The following TERF1 variants were observed in gnomAD, a reference collection of about 807,000 sequenced individuals.
The protein encoded by TERF1 is telomeric repeat-binding factor 1.
In TERF1, 20 loss-of-function variants were observed where a neutral mutation model predicts 55.1. The ratio of observed to expected loss-of-function variants is 0.36; its 90% CI spans 0.26 to 0.53. The LOEUF (loss-of-function observed/expected upper bound fraction) is 0.53, where lower values mean the gene tolerates loss of function less well. Among genes scored for constraint, TERF1 ranks in the 20% least tolerant of loss-of-function variants. The probability of loss-of-function intolerance (pLI) is 0.91; values close to 1 mark genes in which losing one functional copy is unlikely to be tolerated. For missense variants in TERF1, 439 were observed against 535.7 expected (o/e 0.82, Z 1.78); for synonymous variants, 168 against 181.2 (o/e 0.93, Z 0.59).
chr8:73,025,584 C>G (rs1034977654), intron 5 of TERF1, among the ~76,000 whole-genome samples: 2 of 151,806 alleles, frequency 1.3e-5, no homozygotes, highest in African/African-American at 4.8e-5. Flanking sequence ...GAAACCCCGT[C>G]TCTCCTAAGA....
intron 8 of TERF1, 21 bp from the exon 9 acceptor site, chr8:73,039,095 A>T: frequency 7.1e-7 from 1 of 1,417,848 alleles, no homozygotes; most frequent in Non-Finnish European, 9.7e-7. Context: ...AATATTTATG[A>T]CATTATTTTT....
In TERF1 at chr8:73,009,193, A is replaced by G. The variant is rs756380562; in HGVS notation, c.307A>G (p.Asn103Asp). 3.1e-6 allele frequency: 5 copies of G among 1,610,232 alleles called. No homozygotes were observed. In the African/African-American group the frequency reaches 6.7e-5, roughly 22 times the overall value. Reference protein sequence around the residue: ...GRSEDFRRTRNSAEAIIHGLS... With the variant: ...GRSEDFRRTRDSAEAIIHGLS... ...CTCCGAGGACTTCCGCAGGACCCGC[A>G]ACAGCGCAGAGGGTGAGTGCAGACC... Residue 103 changes from asparagine (N) to aspartate (D), a missense_variant, in exon 1 of 10, where the codon AAC (asparagine) becomes GAC (aspartate). Transcript: ENST00000276603.
intron 9 of TERF1, among the ~76,000 whole-genome samples, chr8:73,041,697 T>C (rs1809838168): frequency 6.6e-6 from 1 of 152,170 alleles, no homozygotes; most frequent in Non-Finnish European, 1.5e-5. Context: ...GGAGTATTTC[T>C]AATTGGGGAG....
chr8:73,026,899 C>G (rs373068808), intron 5 of TERF1, 41 bp from the exon 6 acceptor site: 5 of 1,437,072 alleles, frequency 3.5e-6, no homozygotes, highest in African/African-American at 2.8e-5. Flanking sequence ...TGGCTTAATG[C>G]ATTTCTTCCT....
At position 73,022,287 on chromosome 8, in the gene TERF1, T is replaced by C; in HGVS notation, c.609T>C (p.Asp203=). The change falls in exon 4 of 10, where the codon GAT becomes GAC. Residue 203 remains aspartate (D), a synonymous_variant. Transcript: ENST00000276603. Reference sequence around the variant, plus strand: ...AAGTCTTTGAAAGAATATTTGGTGATCCAAATTCTCATATGGTAATTATTT... The same window carrying C: ...AAGTCTTTGAAAGAATATTTGGTGACCCAAATTCTCATATGGTAATTATTT... ...AEEVFERIFG[D]PNSHMPFKSK... 2 of 1,577,278 alleles carry C rather than the reference T, an allele frequency of 1.3e-6. No homozygotes were observed. The highest frequency in any genetic ancestry group is 8.6e-7 in the Non-Finnish European group (1 of 1,161,778).
At chr8:73,013,761 C>A in intron 1 of TERF1, 134 bp from the exon 2 acceptor site, 1 of 570,564 alleles carries the variant, frequency 1.8e-6, no homozygotes, top group Non-Finnish European at 3.1e-6. Flanking sequence ...GAATTTTAAT[C>A]AGATCTTAAA....
At position 73,017,235 on chromosome 8, in the gene TERF1, GCT is replaced by G. The variant is rs1270992752; in HGVS notation, c.415+3248_415+3249del. Among the ~76,000 whole-genome samples, 6 of 152,108 alleles carry G rather than the reference GCT, an allele frequency of 3.9e-5. No homozygotes were observed. The South Asian group carries it at 1.0e-3, about 26-fold the overall frequency. On this transcript the variant is annotated intron_variant, in intron 2 of 9. Coordinates refer to ENST00000276603, the MANE Select transcript of TERF1 (RefSeq NM_017489.3). ...TATTTGAAAATGTGTGTTGAAATTA[GCT>G]CTTGAAAGAAAGCAAGCAGATGAAA...
chr8:73,028,571 ATTTTT>A lies in TERF1; in HGVS notation c.887+1539_887+1543del, dbSNP rs59423351. On this transcript the variant is annotated intron_variant, in intron 6 of 9. Transcript: ENST00000276603. Reference sequence around the variant, plus strand: ...GGCTTATAAAGCCTTACGTAGACCCATTTTTTTTTTTTTTTTTTTTTTTTACATAC... The same window carrying A: ...GGCTTATAAAGCCTTACGTAGACCCATTTTTTTTTTTTTTTTTTTACATAC... 3.4e-3 allele frequency among the ~76,000 whole-genome samples: 360 copies of A among 104,404 alleles called. 1 individual carries two copies. Among genetic ancestry groups the A allele is most frequent in the African/African-American group, 0.013 (344 of 26,420 alleles). 68.5% of individuals were successfully genotyped at this position (104,404 alleles called of 152,430 possible).
At chr8:73,037,951 A>T (rs1809671907) in intron 8 of TERF1, among the ~76,000 whole-genome samples, 1 of 132,992 alleles carries the variant, frequency 7.5e-6, no homozygotes, top group Non-Finnish European at 1.5e-5. Flanking sequence ...TATATAAAAC[A>T]TATATATATT....
At chr8:73,041,039 T>A (rs1468643588) in intron 9 of TERF1, among the ~76,000 whole-genome samples, 2 of 152,222 alleles carry the variant, frequency 1.3e-5, no homozygotes. Flanking sequence ...GACATATTGA[T>A]CATAATCATT....
intron 8 of TERF1, among the ~76,000 whole-genome samples, chr8:73,035,103 A>C (rs1809458102): frequency 6.6e-6 from 1 of 152,230 alleles, no homozygotes; most frequent in South Asian, 2.1e-4. Flanking sequence ...GAAATCTATC[A>C]GTAACCTTTA....
At chr8:73,040,076 G>A (rs541672825) in intron 9 of TERF1, among the ~76,000 whole-genome samples, 12 of 145,652 alleles carry the variant, frequency 8.2e-5, no homozygotes, top group African/African-American at 2.6e-4. Context: ...CAAGTTGCAC[G>A]CTACTCGGAA....
At chr8:73,013,085 A>G (rs1046496784) in intron 1 of TERF1, among the ~76,000 whole-genome samples, 2 of 152,204 alleles carry the variant, frequency 1.3e-5, no homozygotes, top group African/African-American at 2.4e-5. Flanking sequence ...GTAAAAATAT[A>G]TTCGTCTTAT....
Position 73,047,541 on chromosome 8 carries a change from G to A in TERF1, c.*1404G>A, listed in dbSNP as rs576640110. ...AACATTTTATTCTTTAAAAGATTTA[G>A]ACTAACAGAATTATTTAGCATTTCG... On this transcript the variant is annotated 3_prime_UTR_variant, in exon 10 of 10. Transcript: ENST00000276603. 1.2e-4 allele frequency: 18 copies of A among 152,264 alleles called. No homozygotes were observed. Among genetic ancestry groups the A allele is most frequent in the African/African-American group, 4.3e-4 (18 of 41,546 alleles). The allele number at this position is 152,264 out of a possible 1,614,324, so 9.4% of individuals were successfully genotyped here.
chr8:73,033,385 T>C (rs150122405), intron 8 of TERF1, among the ~76,000 whole-genome samples: 114 of 152,266 alleles, frequency 7.5e-4, no homozygotes, highest in Non-Finnish European at 1.4e-3. Context: ...TAAATGAGAA[T>C]AATGTGAGCA....
In TERF1 at chr8:73,020,902, T is replaced by G. The variant is rs912832158; in HGVS notation, c.537+97T>G. The G allele has an allele frequency of 6.4e-5, 51 of 797,598 alleles. No individual in the cohort carries two copies. In the African/African-American group the frequency reaches 8.1e-4, roughly 13 times the overall value. 49.4% of individuals were successfully genotyped at this position (797,598 alleles called of 1,614,324 possible). ...AGTAGAAGTTGAGCAGTAGTAAAAT[T>G]TAATGTATTGTTTCTCTTCAGAAAT... is the stretch of plus-strand genomic sequence containing the variant. On this transcript the variant is annotated intron_variant, in intron 3 of 9. Coordinates refer to ENST00000276603, the MANE Select transcript of TERF1 (RefSeq NM_017489.3).
intron 8 of TERF1, among the ~76,000 whole-genome samples, chr8:73,037,128 TA>T (rs1357262412): frequency 7.6e-6 from 1 of 132,042 alleles, no homozygotes; most frequent in African/African-American, 2.8e-5. Context: ...ATATACTATA[TA>T]ATTAATAATT....
At chr8:73,032,247 A>G (rs1695836662) in intron 8 of TERF1, 114 bp downstream of exon 8, 8 of 681,808 alleles carry the variant, frequency 1.2e-5, no homozygotes, top group South Asian at 8.3e-5. Context: ...ACTGAAGCAC[A>G]AAGTCTTGAC....
At chr8:73,011,442 C>G (rs1808276948) in intron 1 of TERF1, 1 of 152,286 alleles carries the variant, frequency 6.6e-6, no homozygotes, top group Non-Finnish European at 1.5e-5. Context: ...CCCAGCTACT[C>G]AGGAGGCTGA....
Sources: gnomAD v4.1 joint callset for allele counts (sites outside exome capture counted in the v4.1 genomes callset) on GRCh38, gnomAD v4.1.1 for gene constraint, MANE v1.5 for transcripts, NCBI Gene and HGNC (gene_info 2026-07-23, HGNC 2026-07-21) for gene names.